RIN3: variants seen among roughly 807,000 people sequenced by gnomAD.
RIN3 encodes the protein Ras and Rab interactor 3.
A neutral mutation model predicts 76.3 loss-of-function variants in RIN3; 54 were observed. The observed-to-expected ratio is 0.71, with a 90% CI of 0.57 to 0.89. RIN3 has a LOEUF of 0.89. RIN3 is among the 40% of genes least tolerant of loss of function. The probability of loss-of-function intolerance (pLI) is 0.00; values close to 1 mark genes in which losing one functional copy is unlikely to be tolerated. For synonymous variants in RIN3, 576 were observed against 564.0 expected (o/e 1.02, Z -0.30); for missense variants, 1,256 against 1,322.1 (o/e 0.95, Z 0.78).
At chr14:92,518,381 C>T (rs1391138365) in intron 1 of RIN3, among the ~76,000 whole-genome samples, 2 of 152,148 alleles carry the variant, frequency 1.3e-5, no homozygotes, top group African/African-American at 4.8e-5. Flanking sequence ...CCTGGAGCCC[C>T]TGAATTTCTG....
At chr14:92,677,181 T>G (rs1284092736) in intron 8 of RIN3, among the ~76,000 whole-genome samples, 1 of 152,168 alleles carries the variant, frequency 6.6e-6, no homozygotes, top group Non-Finnish European at 1.5e-5. Flanking sequence ...TAAGAAGCCC[T>G]GTGCTCCCCA....
intron 1 of RIN3, among the ~76,000 whole-genome samples, chr14:92,522,337 T>C (rs888702280): frequency 2.6e-5 from 4 of 152,086 alleles, no homozygotes; most frequent in Non-Finnish European, 5.9e-5. Context: ...TGTGTGTGTG[T>C]GCATGTGCTA....
chr14:92,561,275 T>C (rs12881206), intron 2 of RIN3, among the ~76,000 whole-genome samples: 80,958 of 149,832 alleles, frequency 0.54, 22,199 homozygotes, highest in East Asian at 0.79. Flanking sequence ...TGCTTCATTG[T>C]GTCTAGCGCT....
chr14:92,662,219 C>T (rs1887914364), intron 7 of RIN3, among the ~76,000 whole-genome samples: 1 of 152,230 alleles, frequency 6.6e-6, no homozygotes, highest in Non-Finnish European at 1.5e-5. Context: ...GAGAGGCAGT[C>T]CTGGCTGTCT....
At chr14:92,546,207 G>C (rs1030869440) in intron 1 of RIN3, among the ~76,000 whole-genome samples, 6 of 152,058 alleles carry the variant, frequency 3.9e-5, no homozygotes, top group African/African-American at 1.4e-4. Flanking sequence ...TTACAGGCTT[G>C]AGCCACTGTG....
rs973422148 is a variant in RIN3 at position 92,674,208 on chromosome 14, T to C, written c.2336-2267T>C. On this transcript the variant is annotated intron_variant, in intron 7 of 9. Transcript: ENST00000216487. ...CTTGCTACGGTCCACAGCTGGTGAG[T>C]AGTAGAGCTGGGATTTGAACCCAGG... Among the ~76,000 whole-genome samples the C allele has an allele frequency of 4.3e-4, 66 of 152,136 alleles. 1 individual carries two copies. Among genetic ancestry groups the C allele is most frequent in the Non-Finnish European group, 1.9e-4 (13 of 67,998 alleles).
At chr14:92,552,653 T>G (rs1245211624) in intron 1 of RIN3, among the ~76,000 whole-genome samples, 1 of 152,016 alleles carries the variant, frequency 6.6e-6, no homozygotes, top group East Asian at 1.9e-4. Flanking sequence ...TGCCTGGACA[T>G]CTCTTCCCCA....
chr14:92,534,604 A>C (rs1290591533), intron 1 of RIN3, among the ~76,000 whole-genome samples: 5 of 136,924 alleles, frequency 3.7e-5, no homozygotes, highest in Middle Eastern at 3.3e-3. Flanking sequence ...AAAAAACAAA[A>C]AGAAAGAAAG....
chr14:92,570,799 C>T (rs1275887007), intron 2 of RIN3, among the ~76,000 whole-genome samples: 1 of 152,206 alleles, frequency 6.6e-6, no homozygotes, highest in Non-Finnish European at 1.5e-5. Flanking sequence ...TAAGGTTTTA[C>T]TTATACAGGC....
At chr14:92,579,585 C>G (rs1234899470) in intron 3 of RIN3, among the ~76,000 whole-genome samples, 2 of 152,270 alleles carry the variant, frequency 1.3e-5, no homozygotes, top group African/African-American at 4.8e-5. Context: ...TGGTTTACAT[C>G]TCTTGTAAAT....
intron 1 of RIN3, among the ~76,000 whole-genome samples, chr14:92,517,209 C>T (rs919162287): frequency 3.7e-4 from 57 of 152,148 alleles, no homozygotes; most frequent in African/African-American, 1.2e-3. Flanking sequence ...AGCAAAGGTT[C>T]GGGAGGTGGG....
At chr14:92,520,129 G>A (rs1341652308) in intron 1 of RIN3, among the ~76,000 whole-genome samples, 1 of 152,252 alleles carries the variant, frequency 6.6e-6, no homozygotes, top group South Asian at 2.1e-4. Context: ...ACCTCAACCA[G>A]TACATGTTTA....
At chr14:92,566,983 G>C (rs1897931229) in intron 2 of RIN3, among the ~76,000 whole-genome samples, 1 of 152,160 alleles carries the variant, frequency 6.6e-6, no homozygotes, top group Non-Finnish European at 1.5e-5. Flanking sequence ...ACACCAGTGG[G>C]TTGGTTGGGC....
At chr14:92,517,653 C>T (rs893329307) in intron 1 of RIN3, among the ~76,000 whole-genome samples, 3 of 152,176 alleles carry the variant, frequency 2.0e-5, no homozygotes, top group Non-Finnish European at 4.4e-5. Flanking sequence ...ACTATTGCCC[C>T]GAACCAGCAT....
intron 5 of RIN3, 83 bp from the exon 6 acceptor site, chr14:92,651,499 A>AC: frequency 2.1e-5 from 9 of 431,570 alleles, no homozygotes; most frequent in Non-Finnish European, 3.1e-5. Flanking sequence ...CCACCCGTGG[A>AC]CCCCGCCCAC....
intron 5 of RIN3, among the ~76,000 whole-genome samples, chr14:92,644,131 A>C (rs896431033): frequency 2.6e-5 from 4 of 152,170 alleles, no homozygotes; most frequent in Admixed American, 2.0e-4. Context: ...CAAGATTTGC[A>C]CTGAGGGCTT....
intron 7 of RIN3, among the ~76,000 whole-genome samples, chr14:92,660,873 G>A (rs1887856933): frequency 6.6e-6 from 1 of 152,218 alleles, no homozygotes; most frequent in African/African-American, 2.4e-5. Flanking sequence ...AATGCTGGCA[G>A]GATTCATCCC....
chr14:92,520,000 G>A (rs1896551846), intron 1 of RIN3, among the ~76,000 whole-genome samples: 1 of 152,240 alleles, frequency 6.6e-6, no homozygotes, highest in Admixed American at 6.5e-5. Context: ...CTCTCCACAG[G>A]GGTAGGGGTT....
At position 92,688,309 on chromosome 14, in the gene RIN3, C is replaced by T. The variant is rs1334630714; in HGVS notation, c.*57C>T. The T allele has an allele frequency of 1.4e-6, 2 of 1,436,234 alleles. No homozygotes were observed. Among genetic ancestry groups the T allele is most frequent in the East Asian group, 5.0e-5 (2 of 40,354 alleles). 89.0% of individuals were successfully genotyped at this position (1,436,234 alleles called of 1,614,324 possible). On this transcript the variant is annotated 3_prime_UTR_variant, in exon 10 of 10. Coordinates refer to ENST00000216487, the MANE Select transcript of RIN3 (RefSeq NM_024832.5). The stretch of plus-strand genomic sequence containing the variant: ...GGCGCACGTCTGGCCCCGCCTCTGG[C>T]TGCGCACTCCCGACCGCGACGTCCA...
Sources: allele counts gnomAD v4.1 joint callset (sites outside exome capture counted in the v4.1 genomes callset), GRCh38; gene constraint gnomAD v4.1.1; transcripts MANE v1.5; gene names NCBI Gene and HGNC (gene_info 2026-07-23, HGNC 2026-07-21).